Variants in PHKA1 observed in about 807,000 individuals in gnomAD.
PHKA1 encodes phosphorylase kinase regulatory subunit alpha 1.
Under a neutral mutation model 110.2 loss-of-function variants are expected in PHKA1, and 60 were observed. The observed-to-expected ratio is 0.54, with a 90% confidence interval of 0.44 to 0.68. The LOEUF (loss-of-function observed/expected upper bound fraction) is 0.68. PHKA1 is among the 30% of genes least tolerant of loss of function. The pLI, the probability that PHKA1 is intolerant of heterozygous loss-of-function variation, is 0.00. For synonymous variants in PHKA1, 316 were observed against 333.6 expected (o/e 0.95, Z 0.58); for missense variants, 801 against 942.5 (o/e 0.85, Z 1.97).
At chrX:72,706,148 G>T (rs1215255665) in intron 2 of PHKA1, among the ~76,000 whole-genome samples, 1 of 111,826 alleles carries the variant, frequency 8.9e-6, no homozygotes, top group Non-Finnish European at 1.9e-5. Flanking sequence ...TCATGATAAG[G>T]ATAAGTACCT....
chrX:72,581,022 T>G lies in PHKA1; in HGVS notation c.3652A>C (p.Ser1218Arg). 8.3e-7 allele frequency: 1 copy of G among 1,211,264 alleles called. No individual in the cohort carries two copies. The highest frequency in any genetic ancestry group is 2.2e-5 in the Admixed American group (1 of 46,022). Residue 1218 changes from serine to arginine, a missense_variant, in exon 32 of 32, where the codon AGC becomes CGC. Physicochemically the swap from Ser to Arg is moderately radical, Grantham distance 110. This residue lies in a region of PHKA1 where 502 missense variants were observed against 519.2 expected (regional missense o/e 0.97). Transcript: ENST00000373542. ...ATYVQEFLPH[S>R]ICAMQ ...AGCCCTCATTGCATGGCACAGATGC[T>G]GTGGGGCAGGAACTCCTGCACGTAG...
intron 16 of PHKA1, 56 bp from the exon 17 acceptor site, chrX:72,627,105 A>G: frequency 1.1e-6 from 1 of 881,847 alleles, no homozygotes; most frequent in Non-Finnish European, 1.7e-6. Flanking sequence ...TGAAGTAGGG[A>G]GAAATCTTGT....
Position 72,714,064 on chromosome X carries a change from G to C in PHKA1, c.-184C>G, listed in dbSNP as rs2054427190. The C allele has an allele frequency of 6.4e-6, 3 of 470,520 alleles. No homozygotes were observed. Among genetic ancestry groups the C allele is most frequent in the South Asian group, 6.1e-5 (2 of 32,747 alleles). 38.8% of individuals were successfully genotyped at this position (470,520 alleles called of 1,213,427 possible). A position where few individuals can be genotyped will look rare whatever the true frequency, so the allele number is the denominator to read the frequency against. Reference sequence around the variant, plus strand: ...GATTCCGCGTACCTCTCCGGACTCCGGCGGCCTCAGGGGCCCACCACGCGC... The same window carrying C: ...GATTCCGCGTACCTCTCCGGACTCCCGCGGCCTCAGGGGCCCACCACGCGC... On this transcript the variant is annotated 5_prime_UTR_variant, in exon 1 of 32. Transcript: ENST00000373542.
chrX:72,587,802 G>A (rs2052456507), intron 29 of PHKA1, among the ~76,000 whole-genome samples: 1 of 111,207 alleles, frequency 9.0e-6, no homozygotes, highest in Non-Finnish European at 1.9e-5. Context: ...TGATAAAACA[G>A]ACTTTAAAGC....
Position 72,582,607 on chromosome X carries a change from G to A in PHKA1, c.3298-9C>T. The A allele has an allele frequency of 8.9e-7, 1 of 1,129,516 alleles. No homozygotes were observed. The highest frequency in any genetic ancestry group is 3.0e-5 in the East Asian group (1 of 33,463). 93.1% of individuals were successfully genotyped at this position (1,129,516 alleles called of 1,213,427 possible). A position where few individuals can be genotyped will look rare whatever the true frequency, so the allele number is the denominator to read the frequency against. On this transcript the variant is annotated splice_polypyrimidine_tract_variant and intron_variant, in intron 30 of 31. Transcript: ENST00000373542. Reference sequence around the variant, plus strand: ...ATCTCACCTGGAGTCATCTGTGATAGAGAAAAAGAAAATCACTTCCTAAGA... The same window carrying A: ...ATCTCACCTGGAGTCATCTGTGATAAAGAAAAAGAAAATCACTTCCTAAGA...
At chrX:72,675,175 G>A (rs1349136572) in intron 6 of PHKA1, among the ~76,000 whole-genome samples, 9 of 108,063 alleles carry the variant, frequency 8.3e-5, no homozygotes, top group African/African-American at 3.0e-4. Context: ...GCAGCAGGGT[G>A]AGACTCCGTC....
intron 29 of PHKA1, among the ~76,000 whole-genome samples, 170 bp from the exon 30 acceptor site, chrX:72,584,472 G>C (rs1220937805): frequency 8.9e-6 from 1 of 111,968 alleles, no homozygotes; most frequent in Non-Finnish European, 1.9e-5. Flanking sequence ...TTGCCATGGA[G>C]TTGTGATGCC....
intron 6 of PHKA1, among the ~76,000 whole-genome samples, chrX:72,674,289 C>T (rs1556310665): frequency 9.1e-6 from 1 of 110,287 alleles, no homozygotes; most frequent in African/African-American, 3.3e-5. Flanking sequence ...GTCTTTATAG[C>T]AGCATGATTT....
intron 3 of PHKA1, among the ~76,000 whole-genome samples, chrX:72,696,932 T>G (rs1556327620): frequency 2.7e-5 from 3 of 111,471 alleles, no homozygotes; most frequent in Non-Finnish European, 5.6e-5. Context: ...TGCTGAGGCC[T>G]GAGAGCACCC....
chrX:72,589,860 C>T (rs985631357), intron 29 of PHKA1, among the ~76,000 whole-genome samples: 8 of 110,224 alleles, frequency 7.3e-5, no homozygotes, highest in South Asian at 4.1e-4. Context: ...AAGAATCCAA[C>T]GTACAAGGGA....
At chrX:72,700,684 T>C (rs1240168073) in intron 3 of PHKA1, among the ~76,000 whole-genome samples, 1 of 111,611 alleles carries the variant, frequency 9.0e-6, no homozygotes, top group Admixed American at 9.6e-5. Flanking sequence ...CCATGGACAA[T>C]TGTTGTCTTG....
rs1556228532 is a variant in PHKA1 at position 72,593,244 on chromosome X, C to T, written c.3103G>A (p.Gly1035Arg). The T allele has an allele frequency of 4.2e-6, 5 of 1,204,362 alleles. No homozygotes were observed. The African/African-American group carries it at 7.0e-5, about 17-fold the overall frequency. Residue 1035 changes from glycine (G) to arginine (R), a missense_variant, in exon 29 of 32, where the codon GGG (glycine) becomes AGG (arginine). By Grantham distance (125) the Gly-to-Arg change is moderately radical (BLOSUM62 -2). This residue lies in a region of PHKA1 where 502 missense variants were observed against 519.2 expected (regional missense o/e 0.97). Coordinates refer to ENST00000373542, the MANE Select transcript of PHKA1 (RefSeq NM_002637.4). ...SPGTSMTPSS[G>R]SFPSAYDQQS... ...TGATCATATGCACTAGGAAAGGACC[C>T]ACTACTTGGAGTCATAGAGGTTCCA...
At chrX:72,705,583 C>T (rs2054271981) in intron 2 of PHKA1, among the ~76,000 whole-genome samples, 1 of 111,956 alleles carries the variant, frequency 8.9e-6, no homozygotes, top group African/African-American at 3.2e-5. Context: ...TTCTAAAATA[C>T]ATCCTATGGC....
At chrX:72,663,736 G>GAA (rs202031447) in intron 8 of PHKA1, among the ~76,000 whole-genome samples, 4 of 69,483 alleles carry the variant, frequency 5.8e-5, no homozygotes, top group African/African-American at 1.0e-4. Flanking sequence ...TCTAAGAGCT[G>GAA]AAAAAAAAAA....
At chrX:72,593,784 C>G (rs782455070) in intron 28 of PHKA1, among the ~76,000 whole-genome samples, 33 of 112,473 alleles carry the variant, frequency 2.9e-4, no homozygotes, top group Non-Finnish European at 5.3e-4. Context: ...TGGTACAATC[C>G]TTTTTGAAAG....
intron 13 of PHKA1, among the ~76,000 whole-genome samples, chrX:72,647,539 G>A (rs1556297522): frequency 8.9e-6 from 1 of 111,976 alleles, no homozygotes; most frequent in East Asian, 2.8e-4. Flanking sequence ...AGAATACATA[G>A]AGAAAAGGAG....
At chrX:72,655,136 G>A (rs1004428999) in intron 10 of PHKA1, among the ~76,000 whole-genome samples, 17 of 111,907 alleles carry the variant, frequency 1.5e-4, no homozygotes, top group Non-Finnish European at 2.5e-4. Flanking sequence ...GCCTGGGTGT[G>A]GTGGCTCATG....
chrX:72,642,320 T>C (rs1384512471), intron 14 of PHKA1, among the ~76,000 whole-genome samples: 1 of 111,457 alleles, frequency 9.0e-6, no homozygotes, highest in South Asian at 3.8e-4. Context: ...TTTAGAATAA[T>C]AGATGCAATG....
At chrX:72,705,389 T>G (rs1346595587) in intron 2 of PHKA1, 144 bp from the exon 3 acceptor site, 1 of 434,762 alleles carries the variant, frequency 2.3e-6, no homozygotes, top group African/African-American at 2.4e-5. Flanking sequence ...ACTTTATTGG[T>G]ACACAGAAGA....
Sources: allele counts gnomAD v4.1 joint callset (sites outside exome capture counted in the v4.1 genomes callset), GRCh38; gene constraint gnomAD v4.1.1; regional missense constraint gnomAD v4.1.1; transcripts MANE v1.5; gene names NCBI Gene and HGNC (gene_info 2026-07-23, HGNC 2026-07-21).